Variants in NKAIN2 observed in about 807,000 individuals in gnomAD.
The protein encoded by NKAIN2 is sodium/potassium transporting ATPase interacting 2.
Under a neutral mutation model 32.6 loss-of-function variants are expected in NKAIN2, and 14 were observed. The ratio of observed to expected loss-of-function variants is 0.43; its 90% CI spans 0.28 to 0.67. NKAIN2 has a LOEUF of 0.67. Among genes scored for constraint, NKAIN2 ranks in the 30% least tolerant of loss-of-function variants. NKAIN2 has a pLI of 0.17. For synonymous variants in NKAIN2, 80 were observed against 87.2 expected, an observed-to-expected ratio of 0.92 and a Z score of 0.46; for missense variants, 198 against 258.3, an observed-to-expected ratio of 0.77 and a Z score of 1.60.
chr6:124,474,278 A>G (rs1777096607), intron 3 of NKAIN2, among the ~76,000 whole-genome samples: 2 of 152,084 alleles, frequency 1.3e-5, no homozygotes, highest in African/African-American at 2.4e-5. Flanking sequence ...AGTGACATTA[A>G]GTTTTTTATC....
At chr6:124,214,863 G>T (rs931657958) in intron 1 of NKAIN2, among the ~76,000 whole-genome samples, 5 of 152,124 alleles carry the variant, frequency 3.3e-5, no homozygotes, top group African/African-American at 7.2e-5. Flanking sequence ...GACTATTCCT[G>T]CAGGAAGAAG....
chr6:123,832,206 C>T (rs1774417937), intron 1 of NKAIN2, among the ~76,000 whole-genome samples: 1 of 152,206 alleles, frequency 6.6e-6, no homozygotes. Context: ...TTCCAGATAT[C>T]ATATAGTTGG....
chr6:123,923,984 T>G (rs1356882366), intron 1 of NKAIN2, among the ~76,000 whole-genome samples: 1 of 151,786 alleles, frequency 6.6e-6, no homozygotes. Flanking sequence ...AAAAAAGGAT[T>G]TTGGCAAAGC....
chr6:124,648,504 C>T (rs1784255616), intron 3 of NKAIN2, among the ~76,000 whole-genome samples: 1 of 152,114 alleles, frequency 6.6e-6, no homozygotes, highest in Admixed American at 6.5e-5. Flanking sequence ...CTGATAGGAA[C>T]ATTAAGGTCA....
intron 2 of NKAIN2, among the ~76,000 whole-genome samples, chr6:124,309,533 T>C (rs975916452): frequency 2.0e-5 from 3 of 152,154 alleles, no homozygotes; most frequent in Admixed American, 2.0e-4. Flanking sequence ...TGAAGACTTC[T>C]ATCTATAATA....
rs114483414 is a variant in NKAIN2, at chr6:124,404,286, G to A, written c.273+48939G>A. Among the ~76,000 whole-genome samples, 483 of 152,142 alleles carry A rather than the reference G, an allele frequency of 3.2e-3. 4 individuals are homozygous for A. The highest frequency in any genetic ancestry group is 0.011 in the African/African-American group (450 of 41,524). On this transcript the variant is annotated intron_variant, in intron 3 of 6. Transcript: ENST00000368417. ...CTGTTATTCTCGTGGAGGGGGAGTC[G>A]TCTCAGGTCCCAACCCAAAAGAGAG...
intron 1 of NKAIN2, among the ~76,000 whole-genome samples, chr6:124,180,818 G>A (rs1449609202): frequency 6.6e-6 from 1 of 152,150 alleles, no homozygotes; most frequent in East Asian, 1.9e-4. Flanking sequence ...TGCTTTCATG[G>A]GCTGGCATTG....
intron 1 of NKAIN2, among the ~76,000 whole-genome samples, chr6:123,889,812 C>T (rs1018409592): frequency 6.6e-6 from 1 of 152,022 alleles, no homozygotes; most frequent in Non-Finnish European, 1.5e-5. Flanking sequence ...ATGTTTTCAC[C>T]TGTCTTAAAA....
intron 3 of NKAIN2, among the ~76,000 whole-genome samples, chr6:124,417,532 A>G (rs1016331209): frequency 1.2e-4 from 19 of 152,206 alleles, no homozygotes; most frequent in Admixed American, 1.1e-3. Context: ...AAGCATTTTG[A>G]TATTTTTACT....
At position 123,820,231 on chromosome 6, in the gene NKAIN2, C is replaced by T. The variant is rs1444325444; in HGVS notation, c.54+15977C>T. ...AAGGGTGTGGCCAATGCAAAGGATA[C>T]ATTGATTAGTGTATATATGGCAGTT... is the stretch of plus-strand genomic sequence containing the variant. On this transcript the variant is annotated intron_variant, in intron 1 of 6. Transcript: ENST00000368417. Among the ~76,000 whole-genome samples the T allele has an allele frequency of 3.9e-5, 6 of 152,150 alleles. No individual in the cohort carries two copies. The East Asian group carries it at 1.2e-3, about 29-fold the overall frequency.
chr6:124,794,961 G>C, intron 5 of NKAIN2: 1 of 367,396 alleles, frequency 2.7e-6, no homozygotes, highest in South Asian at 1.1e-4. Flanking sequence ...TGGGTGAAAG[G>C]TTAAAATAAA....
intron 4 of NKAIN2, among the ~76,000 whole-genome samples, chr6:124,774,329 T>C (rs903584165): frequency 2.0e-5 from 3 of 152,076 alleles, no homozygotes; most frequent in Admixed American, 2.0e-4. Context: ...GGTTCTATAA[T>C]GTCAGAAAAA....
chr6:124,570,941 C>T lies in NKAIN2; in HGVS notation c.274-87245C>T, dbSNP rs999138423. On this transcript the variant is annotated intron_variant, in intron 3 of 6. Coordinates refer to ENST00000368417, the MANE Select transcript of NKAIN2 (RefSeq NM_001040214.3). ...AGGAGGGATGTTATACCCTGCAAAG[C>T]CACAGAGGCAGAGCTGCCCAAGACC... Among the ~76,000 whole-genome samples, 4 of 152,142 alleles carry T rather than the reference C, an allele frequency of 2.6e-5. 1 individual carries two copies. Among genetic ancestry groups the T allele is most frequent in the Admixed American group, 2.0e-4 (3 of 15,282 alleles).
chr6:124,244,903 C>T (rs763014703), intron 1 of NKAIN2, among the ~76,000 whole-genome samples: 7 of 151,942 alleles, frequency 4.6e-5, no homozygotes, highest in Non-Finnish European at 1.0e-4. Flanking sequence ...TCTGAGCTTA[C>T]CATGGTTATC....
At chr6:124,268,486 C>A (rs1794603465) in intron 1 of NKAIN2, among the ~76,000 whole-genome samples, 1 of 152,050 alleles carries the variant, frequency 6.6e-6, no homozygotes, top group Non-Finnish European at 1.5e-5. Context: ...AGAAGACTGA[C>A]AGCACAGCAG....
chr6:123,888,122 C>G (rs376472766), intron 1 of NKAIN2, among the ~76,000 whole-genome samples: 1 of 151,918 alleles, frequency 6.6e-6, no homozygotes, highest in Non-Finnish European at 1.5e-5. Context: ...ATATAAATAT[C>G]TAGAGTAAAA....
chr6:124,009,266 A>C (rs909683984), intron 1 of NKAIN2, among the ~76,000 whole-genome samples: 2 of 152,078 alleles, frequency 1.3e-5, no homozygotes, highest in African/African-American at 4.8e-5. Flanking sequence ...CTCTCTGAAG[A>C]GGAAGGCTGC....
At chr6:124,761,441 A>G (rs1778262316) in intron 4 of NKAIN2, among the ~76,000 whole-genome samples, 1 of 152,096 alleles carries the variant, frequency 6.6e-6, no homozygotes, top group Non-Finnish European at 1.5e-5. Context: ...GATGCCACTC[A>G]TTTGTTCTCT....
chr6:124,709,724 CTCT>C (rs1775329985), intron 4 of NKAIN2, among the ~76,000 whole-genome samples: 1 of 151,678 alleles, frequency 6.6e-6, no homozygotes, highest in Admixed American at 6.6e-5. Flanking sequence ...TTTGATTCTT[CTCT>C]TTTTTCTTTA....
Sources: gnomAD v4.1 joint callset for allele counts (sites outside exome capture counted in the v4.1 genomes callset) on GRCh38, gnomAD v4.1.1 for gene constraint, MANE v1.5 for transcripts, NCBI Gene and HGNC (gene_info 2026-07-23, HGNC 2026-07-21) for gene names.